DNAH17: variants seen among roughly 807,000 people sequenced by gnomAD.
DNAH17 encodes dynein axonemal heavy chain 17.
DNAH17 carries 376 observed loss-of-function variants against 485.6 expected under a neutral mutation model. The observed-to-expected ratio is 0.77, with a 90% CI of 0.71 to 0.84. The LOEUF is 0.84. Among genes scored for constraint, DNAH17 ranks in the 40% least tolerant of loss-of-function variants. The pLI is 0.00. For missense variants in DNAH17, 6,370 were observed against 5,839.3 expected (o/e 1.09, Z -2.96); for synonymous variants, 3,031 against 2,405.9 (o/e 1.26, Z -7.60).
At chr17:78,451,803 A>G (rs1258982275) in intron 65 of DNAH17, 130 bp from the exon 66 acceptor site, 1 of 717,142 alleles carries the variant, frequency 1.4e-6, no homozygotes. Flanking sequence ...TGGTCCCTGG[A>G]AGAGCACTGC....
intron 29 of DNAH17, 113 bp downstream of exon 29, chr17:78,507,165 T>C (rs1464690295): frequency 8.1e-7 from 1 of 1,227,974 alleles, no homozygotes; most frequent in South Asian, 1.4e-5. Flanking sequence ...CCAGGACCCA[T>C]GGTTTTGCCC....
At chr17:78,522,319 C>T in intron 25 of DNAH17, 1 of 277,228 alleles carries the variant, frequency 3.6e-6, no homozygotes, top group South Asian at 3.6e-5. Flanking sequence ...CAACCAGGAC[C>T]CTCAGTATGA....
chr17:78,485,815 TG>T, intron 46 of DNAH17, 58 bp from the exon 47 acceptor site: 2 of 1,591,346 alleles, frequency 1.3e-6, no homozygotes, highest in Non-Finnish European at 1.7e-6. Flanking sequence ...CTGCCTCTCG[TG>T]GGTGTGCAGG....
intron 19 of DNAH17, chr17:78,533,130 G>T: frequency 5.0e-6 from 1 of 201,030 alleles, no homozygotes; most frequent in Non-Finnish European, 1.0e-5. Context: ...TGCCAAGTGT[G>T]ACGTTTGTCT....
chr17:78,542,760 G>A (rs1001105199), intron 17 of DNAH17, among the ~76,000 whole-genome samples: 5 of 152,322 alleles, frequency 3.3e-5, no homozygotes, highest in East Asian at 3.9e-4. Context: ...AGCAAAGCAG[G>A]CGTGCATTAT....
chr17:78,531,335 GTC>G (rs2091231932), intron 20 of DNAH17, among the ~76,000 whole-genome samples: 1 of 141,578 alleles, frequency 7.1e-6, no homozygotes, highest in African/African-American at 2.7e-5. Flanking sequence ...CATAAAGTCT[GTC>G]TTTTTTTTTT....
intron 46 of DNAH17, 95 bp downstream of exon 46, chr17:78,485,865 T>C: frequency 1.3e-6 from 2 of 1,570,930 alleles, no homozygotes; most frequent in Non-Finnish European, 8.7e-7. Context: ...TGAAAATCGG[T>C]TGTGTTTGGA....
At chr17:78,576,143 G>T (rs1011255206) in intron 1 of DNAH17, among the ~76,000 whole-genome samples, 1 of 152,190 alleles carries the variant, frequency 6.6e-6, no homozygotes, top group Non-Finnish European at 1.5e-5. Flanking sequence ...GACAGATGAC[G>T]TTGGAAGCAC....
intron 54 of DNAH17, among the ~76,000 whole-genome samples, chr17:78,474,572 G>A (rs1465985): frequency 0.31 from 47,245 of 152,102 alleles, 9,352 homozygotes; most frequent in African/African-American, 0.57. Context: ...TAACAATTTG[G>A]AACACTCAGT....
intron 66 of DNAH17, 34 bp downstream of exon 66, chr17:78,451,435 C>T: frequency 6.3e-7 from 1 of 1,576,446 alleles, no homozygotes; most frequent in African/African-American, 1.4e-5. Context: ...TGGGACGGCA[C>T]CTCCTCCCGT....
rs754415231 is a variant in DNAH17, at chr17:78,505,368, G to A, written c.4881C>T (p.Leu1627=). 6.2e-7 allele frequency: 1 copy of A among 1,614,014 alleles called. No homozygotes were observed. ...TGCTGTACATTCCCAGGCCCACCTT[G>A]AGAGGTTTGTCACTGGCATCGAGCC... ...KFRLDASDKP[L]KVGLGMYSKE... The change falls in exon 31 of 81, where the codon CTC becomes CTT. Residue 1627 remains leucine (L), a synonymous_variant. Transcript: ENST00000389840.
chr17:78,498,468 G>A (rs1324413605), intron 37 of DNAH17, among the ~76,000 whole-genome samples: 1 of 152,208 alleles, frequency 6.6e-6, no homozygotes, highest in Non-Finnish European at 1.5e-5. Flanking sequence ...TAACAAGTGG[G>A]GCCCACGCTG....
chr17:78,477,912 ACATCACCATCAC>A (rs1161086293), intron 51 of DNAH17, among the ~76,000 whole-genome samples: 1 of 147,878 alleles, frequency 6.8e-6, no homozygotes, highest in East Asian at 2.0e-4. Context: ...CATCATTACC[ACATCACCATCAC>A]CACCATCATC....
Position 78,449,525 on chromosome 17 carries a change from C to T in DNAH17, c.11100G>A (p.Lys3700=), listed in dbSNP as rs891783204. ...IQRTTPANEV[K]QRVINLTDEI... ...CGTCCGTCAGGTTGATCACCCGCTG[C>T]TTCACCTCGTTGGCAGGGGTGGTCC... The change falls in exon 69 of 81, where the codon AAG becomes AAA. Residue 3700 remains lysine, a synonymous_variant. Transcript: ENST00000389840. 3 of 1,600,054 alleles carry T rather than the reference C, an allele frequency of 1.9e-6. No individual in the cohort carries two copies. In the Admixed American group the frequency reaches 5.2e-5, roughly 28 times the overall value.
Position 78,501,214 on chromosome 17 carries a change from G to A in DNAH17, c.5453C>T (p.Pro1818Leu), listed in dbSNP as rs528102208. The A allele has an allele frequency of 2.6e-5, 41 of 1,593,428 alleles. No homozygotes were observed. Among genetic ancestry groups the A allele is most frequent in the South Asian group, 5.6e-5 (5 of 88,926 alleles). Reference protein sequence around the residue: ...QYSYEYLGNTPRLVITPLTDR... With the variant: ...QYSYEYLGNTLRLVITPLTDR... ...AGTGAGTGGGGTGATGACCAGCCGC[G>A]GCGTGTTGCCCAGATACTCATAGGA... is the stretch of plus-strand genomic sequence containing the variant. The change falls in exon 35 of 81, where the codon CCG becomes CTG. Residue 1818 changes from proline (P) to leucine (L), a missense_variant. Pro to Leu is a moderately conservative substitution (Grantham distance 98). Coordinates refer to ENST00000389840, the MANE Select transcript of DNAH17 (RefSeq NM_173628.4).
At chr17:78,532,768 A>G in intron 19 of DNAH17, 32 bp from the exon 20 acceptor site, 1 of 1,553,992 alleles carries the variant, frequency 6.4e-7, no homozygotes, top group Non-Finnish European at 8.7e-7. Flanking sequence ...CAAAAAGGGG[A>G]GGTATGTTGC....
Position 78,526,883 on chromosome 17 carries a change from G to A in DNAH17, c.3621C>T (p.Phe1207=), listed in dbSNP as rs750174888. The A allele has an allele frequency of 3.2e-6, 5 of 1,571,784 alleles. No homozygotes were observed. The highest frequency in any genetic ancestry group is 1.9e-5 in the Admixed American group (1 of 53,008). The change falls in exon 23 of 81, where the codon TTC becomes TTT. Residue 1207 remains phenylalanine (F), a synonymous_variant. Transcript: ENST00000389840. Reference sequence around the variant, plus strand: ...CACCCTGCCCCAGGTATAATACCTCGAATTGCTGGCATTTCCGCCGCAGGA... The same window carrying A: ...CACCCTGCCCCAGGTATAATACCTCAAATTGCTGGCATTTCCGCCGCAGGA... The part of the protein sequence containing the change: ...VSILRRKCQQ[F]ELKQHEFRER...
chr17:78,429,162 G>T lies in DNAH17; in HGVS notation c.12364C>A (p.Leu4122Met). The change falls in exon 76 of 81, where the codon CTG (leucine) becomes ATG (methionine). Residue 4122 changes from leucine (L) to methionine (M), a missense_variant. Leu to Met is a conservative substitution (Grantham distance 15, BLOSUM62 2). Coordinates refer to ENST00000389840, the MANE Select transcript of DNAH17 (RefSeq NM_173628.4). The part of the protein sequence containing the change: ...RTEMLEGDVL[L>M]APGFQIPPNL... ...GGGGGGATCTGAAAGCCGGGGGCCA[G>T]CAGGACGTCTCCCTCCAGCATCTCC... 1 of 1,613,698 alleles carries T rather than the reference G, an allele frequency of 6.2e-7. No homozygotes were observed.
rs1018081944 is a variant in DNAH17, at chr17:78,449,518, C to T, written c.11107G>A (p.Val3703Met). The T allele has an allele frequency of 4.4e-6, 7 of 1,596,250 alleles. No homozygotes were observed. Among genetic ancestry groups the T allele is most frequent in the Non-Finnish European group, 5.1e-6 (6 of 1,171,604 alleles). Residue 3703 changes from valine to methionine, a missense_variant, in exon 69 of 81, where the codon GTG becomes ATG. Physicochemically the swap from Val to Met is conservative, Grantham distance 21. Transcript: ENST00000389840. ...TTPANEVKQR[V>M]INLTDEITYS... ...GTGATCTCGTCCGTCAGGTTGATCACCCGCTGCTTCACCTCGTTGGCAGGG... is the reference window on the plus strand; with the variant it reads ...GTGATCTCGTCCGTCAGGTTGATCATCCGCTGCTTCACCTCGTTGGCAGGG...
Sources: gnomAD v4.1 joint callset for allele counts (sites outside exome capture counted in the v4.1 genomes callset) on GRCh38, gnomAD v4.1.1 for gene constraint, MANE v1.5 for transcripts, NCBI Gene and HGNC (gene_info 2026-07-23, HGNC 2026-07-21) for gene names.